Variants in SMPD3 observed in about 807,000 individuals in gnomAD.
The protein encoded by SMPD3 is sphingomyelin phosphodiesterase 3.
SMPD3 carries 21 observed loss-of-function variants against 55.7 expected under a neutral mutation model. The observed-to-expected ratio is 0.38, with a 90% confidence interval of 0.27 to 0.54. SMPD3 has a LOEUF of 0.54. Ranked by LOEUF, SMPD3 falls within the 20% of genes least tolerant of loss-of-function variation. The pLI, the probability that SMPD3 is intolerant of heterozygous loss-of-function variation, is 0.80. For missense variants in SMPD3, 842 were observed against 899.6 expected (o/e 0.94, Z 0.82); for synonymous variants, 457 against 404.3 (o/e 1.13, Z -1.56).
At chr16:68,372,964 C>G (rs576244591) in intron 2 of SMPD3, among the ~76,000 whole-genome samples, 6 of 152,330 alleles carry the variant, frequency 3.9e-5, no homozygotes, top group Non-Finnish European at 8.8e-5. Context: ...CGGTCCCCCT[C>G]CATGCACAAC....
At chr16:68,365,129 T>A in intron 3 of SMPD3, 37 bp from the exon 4 acceptor site, 1 of 1,607,366 alleles carries the variant, frequency 6.2e-7, no homozygotes, top group Non-Finnish European at 8.5e-7. Context: ...CACCTGCCAG[T>A]CACTGTGGCC....
rs2089275074 is a variant in SMPD3, at chr16:68,361,655, C to T, written c.1814G>A (p.Arg605His). ...CTCTGCATGCAGCATGTAGTCGATGCGCCGGCCGTTGCCCTTCAGCAGCTC... is the reference window on the plus strand; with the variant it reads ...CTCTGCATGCAGCATGTAGTCGATGTGCCGGCCGTTGCCCTTCAGCAGCTC... ...RKELLKGNGR[R>H]IDYMLHAEEG... The change falls in exon 8 of 9, where the codon CGC becomes CAC. Residue 605 changes from arginine (R) to histidine (H), a missense_variant. Physicochemically the swap from Arg to His is conservative, Grantham distance 29 (BLOSUM62 0). This residue lies in a region of SMPD3 where 649 missense variants were observed against 643.6 expected (regional missense o/e 1.01). Transcript: ENST00000219334. The T allele has an allele frequency of 3.7e-6, 6 of 1,611,904 alleles. No individual in the cohort carries two copies. Among genetic ancestry groups the T allele is most frequent in the Non-Finnish European group, 5.1e-6 (6 of 1,179,964 alleles).
intron 1 of SMPD3, among the ~76,000 whole-genome samples, chr16:68,439,045 A>T (rs959250434): frequency 6.6e-6 from 1 of 152,328 alleles, no homozygotes; most frequent in Non-Finnish European, 1.5e-5. Context: ...CACTGTAAAC[A>T]CTTGAACGAG....
chr16:68,393,963 T>C (rs1210779014), intron 1 of SMPD3, among the ~76,000 whole-genome samples: 3 of 152,326 alleles, frequency 2.0e-5, no homozygotes, highest in South Asian at 4.1e-4. Flanking sequence ...ATATTTGTGA[T>C]GTCAGTTCTC....
chr16:68,377,771 A>G lies in SMPD3; in HGVS notation c.-206-5384T>C, dbSNP rs117700829. On this transcript the variant is annotated intron_variant, in intron 2 of 8. Transcript: ENST00000219334. ...CCCTGGCAATAGACATGCAGGTGTA[A>G]TGGCACACTGGCTCTGCTTGCACAG... Among the ~76,000 whole-genome samples, 41 of 152,296 alleles carry G rather than the reference A, an allele frequency of 2.7e-4. No individual in the cohort carries two copies. The East Asian group carries it at 6.8e-3, about 25-fold the overall frequency.
intron 3 of SMPD3, chr16:68,367,356 T>C (rs1240337398): frequency 1.3e-5 from 2 of 152,332 alleles, no homozygotes; most frequent in African/African-American, 4.8e-5. Context: ...TTGAACACAC[T>C]GAGGCCAGAA....
intron 1 of SMPD3, among the ~76,000 whole-genome samples, chr16:68,439,248 C>T (rs1441559192): frequency 6.6e-6 from 1 of 152,166 alleles, no homozygotes; most frequent in African/African-American, 2.4e-5. Context: ...TTTCCACTGC[C>T]ATAGCCAACT....
Position 68,364,890 on chromosome 16 carries a change from C to T in SMPD3, c.1416G>A (p.Arg472=). 6.2e-7 allele frequency: 1 copy of T among 1,613,894 alleles called. No individual in the cohort carries two copies. The highest frequency in any genetic ancestry group is 8.5e-7 in the Non-Finnish European group (1 of 1,179,942). Residue 472 remains arginine, a synonymous_variant, in exon 5 of 9, where the codon CGG becomes CGA. Transcript: ENST00000219334. ...LHAPQEDSAI[R]CGQLDLLQDW... ...CCTGAAGCAGGTCCAGCTGCCCACA[C>T]CGGATGGCGCTGTCCTCTGCAGGGC... is the stretch of plus-strand genomic sequence containing the variant.
intron 1 of SMPD3, among the ~76,000 whole-genome samples, chr16:68,393,087 C>A (rs984022626): frequency 6.6e-6 from 1 of 151,980 alleles, no homozygotes; most frequent in Non-Finnish European, 1.5e-5. Flanking sequence ...GGATGGGGAC[C>A]AAGGGGTACC....
rs968990393 is a variant in SMPD3 at position 68,359,197 on chromosome 16, C to CGGGGTCTA, written c.*2001_*2008dup. ...CTGTGCAGGCAGTCGGCAGGCGGCT[C>CGGGGTCTA]GGGGTCTAGGGGTCCAGGGCCGGCC... On this transcript the variant is annotated 3_prime_UTR_variant, in exon 9 of 9. Transcript: ENST00000219334. The CGGGGTCTA allele has an allele frequency of 1.3e-5, 2 of 152,302 alleles. No individual in the cohort carries two copies. The highest frequency in any genetic ancestry group is 4.8e-5 in the African/African-American group (2 of 41,436). The allele number at this position is 152,302 out of a possible 1,614,324, so 9.4% of individuals were successfully genotyped here. A position where few individuals can be genotyped will look rare whatever the true frequency, so the allele number is the denominator to read the frequency against.
At position 68,386,159 on chromosome 16, in the gene SMPD3, T is replaced by C. The variant is rs559500436; in HGVS notation, c.-207+439A>G. ...AACACTTGAGCCCGGGAAGTAGAGATTGCAGTGAGCTGAGATTGCACCACT... is the reference window on the plus strand; with the variant it reads ...AACACTTGAGCCCGGGAAGTAGAGACTGCAGTGAGCTGAGATTGCACCACT... On this transcript the variant is annotated intron_variant, in intron 2 of 8. Transcript: ENST00000219334. Among the ~76,000 whole-genome samples, 8 of 151,898 alleles carry C rather than the reference T, an allele frequency of 5.3e-5. 1 individual carries two copies. The highest frequency in any genetic ancestry group is 2.0e-4 in the Admixed American group (3 of 15,266).
At chr16:68,382,326 T>G (rs946798819) in intron 2 of SMPD3, 3 of 152,242 alleles carry the variant, frequency 2.0e-5, no homozygotes, top group African/African-American at 7.2e-5. Flanking sequence ...GAGGCCCAGC[T>G]TGGCGAGACA....
In SMPD3 at chr16:68,380,788, T is replaced by C. The variant is rs528703533; in HGVS notation, c.-207+5810A>G. On this transcript the variant is annotated intron_variant, in intron 2 of 8. Transcript: ENST00000219334. ...AGAGGGGATGACAGCATACTGTCTG[T>C]GGGAGTAGAATTTTAAACACAAGTC... Among the ~76,000 whole-genome samples the C allele has an allele frequency of 8.5e-5, 13 of 152,318 alleles. No homozygotes were observed. In the South Asian group the frequency reaches 2.5e-3, roughly 29 times the overall value.
At chr16:68,365,322 G>T (rs1470806728) in intron 3 of SMPD3, among the ~76,000 whole-genome samples, 1 of 152,166 alleles carries the variant, frequency 6.6e-6, no homozygotes, top group Non-Finnish European at 1.5e-5. Flanking sequence ...GGGGAGTGCT[G>T]GCGGCCATCT....
intron 1 of SMPD3, among the ~76,000 whole-genome samples, chr16:68,414,947 T>C (rs2090328338): frequency 6.6e-6 from 1 of 152,154 alleles, no homozygotes; most frequent in Admixed American, 6.5e-5. Context: ...AGGGGGTCTT[T>C]CAGGCCTCTG....
chr16:68,363,370 C>T, intron 7 of SMPD3, 126 bp downstream of exon 7: 1 of 1,042,210 alleles, frequency 9.6e-7, no homozygotes. Flanking sequence ...AGATGAGGGA[C>T]AGGTTTCTGC....
chr16:68,387,719 G>A (rs897992726), intron 1 of SMPD3, among the ~76,000 whole-genome samples: 6 of 152,202 alleles, frequency 3.9e-5, no homozygotes, highest in African/African-American at 1.4e-4. Flanking sequence ...CCCATGGCCC[G>A]GCCCAAAGCC....
chr16:68,419,635 A>AT, intron 1 of SMPD3, among the ~76,000 whole-genome samples: 1 of 152,356 alleles, frequency 6.6e-6, no homozygotes, highest in South Asian at 2.1e-4. Flanking sequence ...CTTGACAACA[A>AT]TAACTTTCCT....
chr16:68,363,286 A>G (rs1307326342), intron 7 of SMPD3, among the ~76,000 whole-genome samples: 1 of 152,170 alleles, frequency 6.6e-6, no homozygotes, highest in Non-Finnish European at 1.5e-5. Context: ...TAGCAAGGCC[A>G]GTACCCCTGG....
Sources: gnomAD v4.1 joint callset for allele counts (sites outside exome capture counted in the v4.1 genomes callset) on GRCh38, gnomAD v4.1.1 for gene constraint, gnomAD v4.1.1 regional missense constraint, MANE v1.5 for transcripts, NCBI Gene and HGNC (gene_info 2026-07-23, HGNC 2026-07-21) for gene names.